The following GPRC6A variants were observed in gnomAD, a reference collection of about 807,000 sequenced individuals.
GPRC6A encodes G protein-coupled receptor family C group 6 member A.
A neutral mutation model predicts 47.0 loss-of-function variants in GPRC6A; 54 were observed. The ratio of observed to expected loss-of-function variants is 1.15; its 90% CI spans 0.92 to 1.44. The LOEUF (loss-of-function observed/expected upper bound fraction) is 1.44. Ranked by LOEUF, GPRC6A falls within the 40% of genes most tolerant of loss-of-function variation. GPRC6A has a pLI of 0.00. For missense variants in GPRC6A, 1,112 were observed against 1,105.5 expected (o/e 1.01, Z -0.08); for synonymous variants, 347 against 377.1 (o/e 0.92, Z 0.93).
chr6:116,822,587 C>A (rs1272394907), intron 1 of GPRC6A, among the ~76,000 whole-genome samples: 12 of 142,400 alleles, frequency 8.4e-5, no homozygotes, highest in Non-Finnish European at 1.7e-4. Flanking sequence ...TGGAAATCAT[C>A]ATTCTCAGTA....
chr6:116,823,995 G>C (rs1166373068), intron 1 of GPRC6A, among the ~76,000 whole-genome samples: 2 of 151,960 alleles, frequency 1.3e-5, no homozygotes, highest in African/African-American at 4.8e-5. Context: ...CTCCTACCAG[G>C]CTCCATCTCC....
chr6:116,807,090 T>C lies in GPRC6A; in HGVS notation c.615A>G (p.Lys205=). The part of the protein sequence containing the change: ...QIKAMAHLIQ[K]SGWNWIGIIT... ...TGATGCCAATCCAGTTCCAACCAGA[T>C]TTCTGAATCAGGTGAGCCATTGCTT... The change falls in exon 3 of 6, where the codon AAA becomes AAG. Residue 205 remains lysine (K), a synonymous_variant. Coordinates refer to ENST00000310357, the MANE Select transcript of GPRC6A (RefSeq NM_148963.4). 4 of 1,613,748 alleles carry C rather than the reference T, an allele frequency of 2.5e-6. No homozygotes were observed. Among genetic ancestry groups the C allele is most frequent in the Non-Finnish European group, 3.4e-6 (4 of 1,179,722 alleles).
intron 3 of GPRC6A, among the ~76,000 whole-genome samples, chr6:116,804,067 A>T (rs190816357): frequency 2.7e-4 from 41 of 152,216 alleles, no homozygotes; most frequent in Middle Eastern, 3.4e-3. Context: ...TATGAATAGA[A>T]GTTCAACTAT....
At position 116,793,188 on chromosome 6, in the gene GPRC6A, A is replaced by C. The variant is rs779883254; in HGVS notation, c.1735T>G (p.Cys579Gly). 6.2e-7 allele frequency: 1 copy of C among 1,612,642 alleles called. No individual in the cohort carries two copies. Among genetic ancestry groups the C allele is most frequent in the Non-Finnish European group, 8.5e-7 (1 of 1,179,178 alleles). The change falls in exon 6 of 6, where the codon TGC becomes GGC. Residue 579 changes from cysteine to glycine, a missense_variant. Physicochemically the swap from Cys to Gly is radical, Grantham distance 159 (BLOSUM62 -3). Coordinates refer to ENST00000310357, the MANE Select transcript of GPRC6A (RefSeq NM_148963.4). Reference protein sequence around the residue: ...THWAPVRSTMCFEKEVEYLNW... With the variant: ...THWAPVRSTMGFEKEVEYLNW... ...AGATATTCCACTTCCTTTTCAAAGC[A>C]CATAGTGCTCCTAACAGGGGCCCAG...
intron 3 of GPRC6A, among the ~76,000 whole-genome samples, chr6:116,803,408 C>G (rs182315895): frequency 7.5e-4 from 114 of 152,216 alleles, no homozygotes; most frequent in Non-Finnish European, 1.3e-3. Flanking sequence ...TATCCTCTGT[C>G]AAGTTCAAAC....
At chr6:116,820,252 G>A (rs949642133) in intron 1 of GPRC6A, among the ~76,000 whole-genome samples, 1 of 152,176 alleles carries the variant, frequency 6.6e-6, no homozygotes, top group Non-Finnish European at 1.5e-5. Context: ...GGACCAGATG[G>A]ATTCACAGCT....
Position 116,809,615 on chromosome 6 carries a change from A to T in GPRC6A, c.197T>A (p.Phe66Tyr). The T allele has an allele frequency of 6.2e-7, 1 of 1,603,056 alleles. No homozygotes were observed. Among genetic ancestry groups the T allele is most frequent in the South Asian group, 1.1e-5 (1 of 90,650 alleles). The change falls in exon 2 of 6, where the codon TTT becomes TAT. Residue 66 changes from phenylalanine to tyrosine, a missense_variant and splice_region_variant. Coordinates refer to ENST00000310357, the MANE Select transcript of GPRC6A (RefSeq NM_148963.4). Reference protein sequence around the residue: ...RRPQIQECVGFEISVFLQTLA... With the variant: ...RRPQIQECVGYEISVFLQTLA... ...AGTTTGAAGAAAAACTGATATTTCA[A>T]AGCTGTTGGGAAACAAGTATTTTTT...
rs139364930 is a variant in GPRC6A at position 116,792,609 on chromosome 6, T to A, written c.2314A>T (p.Lys772Ter). ...LAFICFIFAF[K>*]GKYENYNEAK... is the part of the protein sequence containing the mutation. ...TCATTGTAATTCTCATATTTGCCTTTGAAAGCAAATATGAAGCAAATGAAG... is the reference window on the plus strand; with the variant it reads ...TCATTGTAATTCTCATATTTGCCTTAGAAAGCAAATATGAAGCAAATGAAG... Residue 772 changes from lysine to a stop codon, truncating the protein, a stop_gained, in exon 6 of 6, where the codon AAA becomes TAA. Coordinates refer to ENST00000310357, the MANE Select transcript of GPRC6A (RefSeq NM_148963.4). LOFTEE classifies it low-confidence loss of function (END_TRUNC). 6.2e-7 allele frequency: 1 copy of A among 1,613,108 alleles called. No homozygotes were observed. The highest frequency in any genetic ancestry group is 8.5e-7 in the Non-Finnish European group (1 of 1,179,410).
In GPRC6A at chr6:116,828,813, TACTC is replaced by T; in HGVS notation, c.194+3_194+6del. On this transcript the variant is annotated splice_donor_5th_base_variant and intron_variant, in intron 1 of 5. Coordinates refer to ENST00000310357, the MANE Select transcript of GPRC6A (RefSeq NM_148963.4). ...AAATCTAAACGTGTTTTTTGAGACT[TACTC>T]ACCCAACACACTCCTGGATTTGTGG... 1.9e-6 allele frequency: 3 copies of T among 1,604,754 alleles called. No homozygotes were observed. Among genetic ancestry groups the T allele is most frequent in the Non-Finnish European group, 1.7e-6 (2 of 1,173,978 alleles).
chr6:116,802,680 A>G (rs989286826), intron 3 of GPRC6A, among the ~76,000 whole-genome samples: 2 of 152,084 alleles, frequency 1.3e-5, no homozygotes, highest in Admixed American at 1.3e-4. Context: ...CAGAAAACAC[A>G]TTGATCTAAG....
intron 5 of GPRC6A, among the ~76,000 whole-genome samples, chr6:116,794,698 G>C (rs766776345): frequency 7.9e-5 from 12 of 152,310 alleles, no homozygotes; most frequent in Non-Finnish European, 1.5e-4. Context: ...TTTTTAGGCA[G>C]TGGTATAGCA....
intron 1 of GPRC6A, among the ~76,000 whole-genome samples, chr6:116,811,171 G>A (rs1332453945): frequency 6.6e-6 from 1 of 152,108 alleles, no homozygotes; most frequent in Non-Finnish European, 1.5e-5. Context: ...AGGCCACTGA[G>A]GAAATGTCAG....
rs1772859178 is a variant in GPRC6A, at chr6:116,806,847, GA to G, written c.857del (p.Leu286ProfsTer8). 1.9e-6 allele frequency: 3 copies of G among 1,612,806 alleles called. No individual in the cohort carries two copies. Among genetic ancestry groups the G allele is most frequent in the Non-Finnish European group, 2.5e-6 (3 of 1,179,064 alleles). ...VFLRQFHVFD[L>X]FNKAIEMNIN... ...TATTCATTTCAATGGCTTTATTGAA[GA>G]GATCAAAAACATGGAATTGCCTCAG... On this transcript the variant is annotated frameshift_variant, in exon 3 of 6. Coordinates refer to ENST00000310357, the MANE Select transcript of GPRC6A (RefSeq NM_148963.4). LOFTEE classifies it high-confidence loss of function.
In GPRC6A at chr6:116,792,544, T is replaced by C. The variant is rs760201964; in HGVS notation, c.2379A>G (p.Ile793Met). ...AGATAGGGATGAATGTGATCCAAGC[T>C]ATGAAGTAAATGAGCATGCCAAATG... The part of the protein sequence containing the change: ...FITFGMLIYF[I>M]AWITFIPIYA... Residue 793 changes from isoleucine to methionine, a missense_variant, in exon 6 of 6, where the codon ATA (isoleucine) becomes ATG (methionine). Ile to Met is a conservative substitution (Grantham distance 10). Coordinates refer to ENST00000310357, the MANE Select transcript of GPRC6A (RefSeq NM_148963.4). The C allele has an allele frequency of 1.2e-6, 2 of 1,613,412 alleles. No homozygotes were observed. Among genetic ancestry groups the C allele is most frequent in the South Asian group, 2.2e-5 (2 of 90,998 alleles).
At chr6:116,819,975 G>T (rs1266098438) in intron 1 of GPRC6A, among the ~76,000 whole-genome samples, 4 of 149,040 alleles carry the variant, frequency 2.7e-5, no homozygotes, top group African/African-American at 1.0e-4. Flanking sequence ...GACTAATAAA[G>T]AAAAAAAGAG....
intron 3 of GPRC6A, among the ~76,000 whole-genome samples, chr6:116,805,625 A>G (rs1246228016): frequency 1.3e-5 from 2 of 152,088 alleles, no homozygotes; most frequent in African/African-American, 4.8e-5. Context: ...AGAAAGCACA[A>G]TGGAAAATTC....
intron 4 of GPRC6A, among the ~76,000 whole-genome samples, chr6:116,799,280 T>C (rs1013805738): frequency 6.6e-6 from 1 of 152,140 alleles, no homozygotes; most frequent in African/African-American, 2.4e-5. Context: ...TCCCATATAA[T>C]GATATCATTT....
chr6:116,827,903 G>A (rs139331302), intron 1 of GPRC6A, among the ~76,000 whole-genome samples: 1,671 of 152,004 alleles, frequency 0.011, 28 homozygotes, highest in Admixed American at 0.039. Flanking sequence ...GAAATACTTC[G>A]TTGATAAAGA....
At position 116,795,758 on chromosome 6, in the gene GPRC6A, G is replaced by A; in HGVS notation, c.1626C>T (p.Cys542=). ...TTTCAGGACAGTTCTGACATTCATAGCAACAGATGTGTTGACTTCTTGTAG... is the reference window on the plus strand; with the variant it reads ...TTTCAGGACAGTTCTGACATTCATAACAACAGATGTGTTGACTTCTTGTAG... ...KKTTRSQHIC[C]YECQNCPENH... is the part of the protein sequence containing the mutation. The change falls in exon 5 of 6, where the codon TGC becomes TGT. Residue 542 remains cysteine (C), a synonymous_variant. Coordinates refer to ENST00000310357, the MANE Select transcript of GPRC6A (RefSeq NM_148963.4). 1 of 1,609,920 alleles carries A rather than the reference G, an allele frequency of 6.2e-7. No homozygotes were observed. Among genetic ancestry groups the A allele is most frequent in the South Asian group, 1.1e-5 (1 of 90,908 alleles).
Sources: gnomAD v4.1 joint callset for allele counts (sites outside exome capture counted in the v4.1 genomes callset) on GRCh38, gnomAD v4.1.1 for gene constraint, MANE v1.5 for transcripts, NCBI Gene and HGNC (gene_info 2026-07-23, HGNC 2026-07-21) for gene names.